DSCAML1: variants seen among roughly 807,000 people sequenced by gnomAD.
DSCAML1 encodes the protein cell adhesion molecule DSCAML1.
DSCAML1 carries 38 observed loss-of-function variants against 200.5 expected under a neutral mutation model. The observed-to-expected ratio is 0.19, with a 90% CI of 0.15 to 0.25. The LOEUF is 0.25. Among genes scored for constraint, DSCAML1 ranks in the 10% least tolerant of loss-of-function variants. DSCAML1 has a pLI of 1.00. For synonymous variants in DSCAML1, 1,215 were observed against 1,165.0 expected, an observed-to-expected ratio of 1.04 and a Z score of -0.87; for missense variants, 2,223 against 2,858.8, an observed-to-expected ratio of 0.78 and a Z score of 5.07.
chr11:117,728,949 G>A (rs2054176784), intron 3 of DSCAML1, among the ~76,000 whole-genome samples: 2 of 152,174 alleles, frequency 1.3e-5, no homozygotes, highest in African/African-American at 4.8e-5. Context: ...ATTGCAATGG[G>A]CTCAGAATAG....
At chr11:117,459,382 C>A (rs905824308) in intron 18 of DSCAML1, among the ~76,000 whole-genome samples, 1 of 152,224 alleles carries the variant, frequency 6.6e-6, no homozygotes, top group Non-Finnish European at 1.5e-5. Flanking sequence ...AGTTATCAAC[C>A]TGGGGATGGT....
At chr11:117,671,494 A>G (rs2053105969) in intron 3 of DSCAML1, among the ~76,000 whole-genome samples, 1 of 152,232 alleles carries the variant, frequency 6.6e-6, no homozygotes, top group African/African-American at 2.4e-5. Flanking sequence ...CAAGACCCCA[A>G]TGCCTCTTAA....
Position 117,544,074 on chromosome 11 carries a change from T to C in DSCAML1, c.512-11552A>G, listed in dbSNP as rs771192793. ...GAAGCGAATAGGGTGAGGCTTTGCA[T>C]TGAGACCAGGCTTTGGCCACAGGGT... On this transcript the variant is annotated intron_variant, in intron 3 of 32. Coordinates refer to ENST00000651296, the MANE Select transcript of DSCAML1 (RefSeq NM_020693.4). Among the ~76,000 whole-genome samples, 3 of 152,114 alleles carry C rather than the reference T, an allele frequency of 2.0e-5. No individual in the cohort carries two copies. In the South Asian group the frequency reaches 6.2e-4, roughly 32 times the overall value.
At chr11:117,706,020 T>C (rs974615547) in intron 3 of DSCAML1, among the ~76,000 whole-genome samples, 6 of 152,180 alleles carry the variant, frequency 3.9e-5, no homozygotes, top group Non-Finnish European at 7.4e-5. Context: ...GCCCATTCCA[T>C]TCCTCTGTCC....
chr11:117,478,749 C>A (rs752527258), intron 14 of DSCAML1, among the ~76,000 whole-genome samples: 1 of 152,246 alleles, frequency 6.6e-6, no homozygotes, highest in Non-Finnish European at 1.5e-5. Flanking sequence ...ATTGCACCCT[C>A]ACTTGGTCTC....
chr11:117,545,123 G>A (rs983979957), intron 3 of DSCAML1, among the ~76,000 whole-genome samples: 2 of 152,156 alleles, frequency 1.3e-5, no homozygotes, highest in Non-Finnish European at 2.9e-5. Flanking sequence ...CCAGATACTC[G>A]GGAGGCCGAG....
intron 1 of DSCAML1, among the ~76,000 whole-genome samples, chr11:117,803,827 C>A (rs1461363308): frequency 6.6e-6 from 1 of 152,240 alleles, no homozygotes; most frequent in Non-Finnish European, 1.5e-5. Context: ...AAGGCCCAGG[C>A]CCATGGTGGT....
chr11:117,504,137 G>C lies in DSCAML1; in HGVS notation c.2183-116C>G. 8.0e-7 allele frequency: 1 copy of C among 1,249,370 alleles called. No homozygotes were observed. The allele number at this position is 1,249,370 out of a possible 1,614,324, so 77.4% of individuals were successfully genotyped here. A position where few individuals can be genotyped will look rare whatever the true frequency, so the allele number is the denominator to read the frequency against. On this transcript the variant is annotated intron_variant, in intron 10 of 32. Transcript: ENST00000651296. This position sits in a 1 kb window ranked among gnomAD's most constrained non-coding sequence, Gnocchi z 5.0. Reference sequence around the variant, plus strand: ...AGATCTAGGGCCATTTTGTAGCAGAGCTGCACCATCCCCAAAGTGCTGAGG... The same window carrying C: ...AGATCTAGGGCCATTTTGTAGCAGACCTGCACCATCCCCAAAGTGCTGAGG...
At chr11:117,815,564 C>T (rs1025368157) in intron 1 of DSCAML1, among the ~76,000 whole-genome samples, 1 of 152,104 alleles carries the variant, frequency 6.6e-6, no homozygotes, top group Admixed American at 6.5e-5. Flanking sequence ...GGGGAAGTGA[C>T]AGTGAGCATT....
At chr11:117,430,070 T>C (rs2099494812) in intron 32 of DSCAML1, among the ~76,000 whole-genome samples, 1 of 152,190 alleles carries the variant, frequency 6.6e-6, no homozygotes, top group South Asian at 2.1e-4. Context: ...CATTGTTTGA[T>C]AGTCTGGGCT....
chr11:117,732,447 G>T (rs1487587807), intron 3 of DSCAML1, among the ~76,000 whole-genome samples: 1 of 152,124 alleles, frequency 6.6e-6, no homozygotes, highest in Non-Finnish European at 1.5e-5. Context: ...TAACCTGAGG[G>T]TAAGATTACT....
rs1055544790 is a variant in DSCAML1 at position 117,498,666 on chromosome 11, G to C, written c.2359+5179C>G. 1.3e-5 allele frequency among the ~76,000 whole-genome samples: 2 copies of C among 152,086 alleles called. No homozygotes were observed. Among genetic ancestry groups the C allele is most frequent in the Non-Finnish European group, 2.9e-5 (2 of 67,998 alleles). On this transcript the variant is annotated intron_variant, in intron 11 of 32. Transcript: ENST00000651296. The surrounding 1 kb of genome is among the most constrained non-coding windows in gnomAD (Gnocchi z 4.0). Reference sequence around the variant, plus strand: ...GACCTCAGTCCCAGTGGCCAATCATGGTGGGTGACCTGGTCCACGGAGGCC... The same window carrying C: ...GACCTCAGTCCCAGTGGCCAATCATCGTGGGTGACCTGGTCCACGGAGGCC...
intron 3 of DSCAML1, among the ~76,000 whole-genome samples, chr11:117,712,662 C>T (rs1461968517): frequency 6.6e-6 from 1 of 151,918 alleles, no homozygotes; most frequent in Non-Finnish European, 1.5e-5. Context: ...CGCTGGTGTC[C>T]CAGGGATCCA....
Position 117,688,938 on chromosome 11 carries a change from C to T in DSCAML1, c.511+87853G>A, listed in dbSNP as rs117119462. Among the ~76,000 whole-genome samples the T allele has an allele frequency of 5.1e-3, 770 of 152,350 alleles. 5 individuals are homozygous for T. The highest frequency in any genetic ancestry group is 0.017 in the Middle Eastern group (5 of 294). On this transcript the variant is annotated intron_variant, in intron 3 of 32. Transcript: ENST00000651296. ...GAAAGTGAGTAACCCTTTCAGCTCT[C>T]GCCTACTGGCTATCATTGAGGACAC...
intron 2 of DSCAML1, among the ~76,000 whole-genome samples, chr11:117,778,518 T>C (rs2055173445): frequency 6.6e-6 from 1 of 152,220 alleles, no homozygotes; most frequent in Non-Finnish European, 1.5e-5. Context: ...TCTTCATTTA[T>C]GAAAGGAAAT....
At chr11:117,536,560 G>T (rs117053908) in intron 3 of DSCAML1, among the ~76,000 whole-genome samples, 1,787 of 152,298 alleles carry the variant, frequency 0.012, 17 homozygotes, top group South Asian at 0.034. Flanking sequence ...ATAATTTGGG[G>T]TTGCTAAGGG....
intron 4 of DSCAML1, among the ~76,000 whole-genome samples, chr11:117,528,270 ACACT>A (rs2050015143): frequency 2.6e-5 from 4 of 152,112 alleles, no homozygotes; most frequent in Admixed American, 2.6e-4. Context: ...ATTCCGTGGC[ACACT>A]GCAGAATTTA....
chr11:117,434,627 A>G (rs1030699433), intron 27 of DSCAML1, among the ~76,000 whole-genome samples: 27 of 152,128 alleles, frequency 1.8e-4, no homozygotes, highest in African/African-American at 6.5e-4. Context: ...CCATCTATTC[A>G]TTCAGCCTTT....
At chr11:117,500,064 T>C (rs1260764001) in intron 11 of DSCAML1, among the ~76,000 whole-genome samples, 6 of 152,230 alleles carry the variant, frequency 3.9e-5, no homozygotes, top group East Asian at 1.9e-4. Flanking sequence ...TTCCTCAACA[T>C]AGGACAGTCA....
Sources: allele counts gnomAD v4.1 joint callset (sites outside exome capture counted in the v4.1 genomes callset), GRCh38; gene constraint gnomAD v4.1.1; non-coding constraint Gnocchi (gnomAD v3.1); transcripts MANE v1.5; gene names NCBI Gene and HGNC (gene_info 2026-07-23, HGNC 2026-07-21).